Variants in KCNAB1 observed in about 807,000 individuals in gnomAD.
The protein encoded by KCNAB1 is voltage-gated potassium channel subunit beta-1.
Under a neutral mutation model 64.6 loss-of-function variants are expected in KCNAB1, and 35 were observed. That is an observed-to-expected ratio of 0.54 (90% CI 0.41 to 0.72). The LOEUF (loss-of-function observed/expected upper bound fraction) is 0.72. Among genes scored for constraint, KCNAB1 ranks in the 30% least tolerant of loss-of-function variants. The pLI, the probability that KCNAB1 is intolerant of heterozygous loss-of-function variation, is 0.00. For missense variants in KCNAB1, 401 were observed against 512.9 expected (o/e 0.78, Z 2.11); for synonymous variants, 177 against 183.8 (o/e 0.96, Z 0.30).
At chr3:156,530,450 A>C (rs910940968) in intron 12 of KCNAB1, among the ~76,000 whole-genome samples, 1 of 152,148 alleles carries the variant, frequency 6.6e-6, no homozygotes, top group Non-Finnish European at 1.5e-5. Flanking sequence ...GGATGGTTTA[A>C]GAGTACAGGT....
chr3:156,193,530 G>T (rs563056958), intron 1 of KCNAB1, among the ~76,000 whole-genome samples: 1 of 152,240 alleles, frequency 6.6e-6, no homozygotes, highest in East Asian at 1.9e-4. Flanking sequence ...AAGGAAAGAG[G>T]TTTAATGAGC....
At chr3:156,494,414 T>A (rs1282467701) in intron 8 of KCNAB1, among the ~76,000 whole-genome samples, 2 of 152,138 alleles carry the variant, frequency 1.3e-5, no homozygotes, top group Non-Finnish European at 2.9e-5. Flanking sequence ...CCTAATGCCC[T>A]TAGTTAAATT....
intron 1 of KCNAB1, chr3:156,291,487 G>C (rs552425081): frequency 9.5e-7 from 1 of 1,056,526 alleles, no homozygotes; most frequent in Non-Finnish European, 1.1e-6. Context: ...GCCCAGAAGC[G>C]AGCCCGCATT....
intron 1 of KCNAB1, among the ~76,000 whole-genome samples, chr3:156,156,544 T>G (rs2108301992): frequency 6.6e-6 from 1 of 152,266 alleles, no homozygotes; most frequent in East Asian, 1.9e-4. Flanking sequence ...GGAACTGTTA[T>G]AAAAGTAGCA....
chr3:156,464,463 C>T (rs1559897936), intron 6 of KCNAB1, among the ~76,000 whole-genome samples: 2 of 133,676 alleles, frequency 1.5e-5, no homozygotes, highest in Non-Finnish European at 3.1e-5. Flanking sequence ...GCTTTTCCAT[C>T]TTTGAGACAG....
chr3:156,148,649 G>A (rs1209134659), intron 1 of KCNAB1, among the ~76,000 whole-genome samples: 1 of 152,200 alleles, frequency 6.6e-6, no homozygotes, highest in Admixed American at 6.5e-5. Flanking sequence ...CTCACTGCCT[G>A]CTAGCATGGG....
At chr3:156,507,779 C>A (rs913850089) in intron 8 of KCNAB1, among the ~76,000 whole-genome samples, 1 of 152,060 alleles carries the variant, frequency 6.6e-6, no homozygotes. Context: ...AAACCAAATT[C>A]TTGCATTATA....
At chr3:156,463,895 A>C in intron 6 of KCNAB1, 149 bp downstream of exon 6, 3 of 564,910 alleles carry the variant, frequency 5.3e-6, no homozygotes, top group Non-Finnish European at 9.2e-6. Context: ...ACACTAAGGA[A>C]ATAGCAATTA....
chr3:156,137,223 T>C (rs10460860), intron 1 of KCNAB1, among the ~76,000 whole-genome samples: 3 of 28,944 alleles, frequency 1.0e-4, no homozygotes, highest in East Asian at 1.3e-3. Flanking sequence ...CATACATTGG[T>C]GGGGGGGGAT....
rs1339823600 is a variant in KCNAB1 at position 156,536,750 on chromosome 3, CA to C, written c.*5del. 1 of 1,591,088 alleles carries C rather than the reference CA, an allele frequency of 6.3e-7. No homozygotes were observed. Among genetic ancestry groups the C allele is most frequent in the Non-Finnish European group, 8.6e-7 (1 of 1,159,216 alleles). ...GCAAGAAGGACTATAGATCATAAGG[CA>C]ATGCATGAACCACAGAAGCTGCATG... is the stretch of plus-strand genomic sequence containing the variant. On this transcript the variant is annotated 3_prime_UTR_variant, in exon 14 of 14. Transcript: ENST00000490337.
intron 1 of KCNAB1, chr3:156,291,176 C>A: frequency 1.0e-6 from 1 of 985,546 alleles, no homozygotes; most frequent in Non-Finnish European, 1.2e-6. Flanking sequence ...AGGCAAAGAG[C>A]TCCTTAAAGG....
At chr3:156,385,264 T>C (rs1263270403) in intron 1 of KCNAB1, among the ~76,000 whole-genome samples, 2 of 152,214 alleles carry the variant, frequency 1.3e-5, no homozygotes, top group East Asian at 3.9e-4. Context: ...GGGAATCTTG[T>C]CTGCTCCAAT....
chr3:156,162,392 T>C (rs1273115622), intron 1 of KCNAB1, among the ~76,000 whole-genome samples: 1 of 152,196 alleles, frequency 6.6e-6, no homozygotes, highest in East Asian at 1.9e-4. Flanking sequence ...GAAGATATTA[T>C]GCTAGACACA....
chr3:156,427,254 T>C (rs557565983), intron 2 of KCNAB1, among the ~76,000 whole-genome samples: 1 of 152,200 alleles, frequency 6.6e-6, no homozygotes, highest in Admixed American at 6.5e-5. Flanking sequence ...GCTTGTGACC[T>C]CCCAGCTTCA....
intron 1 of KCNAB1, among the ~76,000 whole-genome samples, chr3:156,173,597 G>GTT (rs1235628452): frequency 3.9e-5 from 6 of 152,268 alleles, no homozygotes; most frequent in African/African-American, 1.4e-4. Context: ...GGGGACCTCA[G>GTT]TTTCCCCATC....
chr3:156,454,198 C>A (rs979293440), intron 3 of KCNAB1, among the ~76,000 whole-genome samples: 2 of 152,160 alleles, frequency 1.3e-5, no homozygotes, highest in Non-Finnish European at 2.9e-5. Context: ...GCATGCAGGA[C>A]AGTTATTAGG....
intron 2 of KCNAB1, among the ~76,000 whole-genome samples, chr3:156,424,879 G>C (rs1715709344): frequency 1.3e-5 from 2 of 152,130 alleles, no homozygotes; most frequent in Non-Finnish European, 2.9e-5. Flanking sequence ...TCAAGAGCCT[G>C]AACACTTGTA....
At chr3:156,385,302 C>T (rs3772257) in intron 1 of KCNAB1, among the ~76,000 whole-genome samples, 21,910 of 152,016 alleles carry the variant, frequency 0.14, 1,878 homozygotes, top group Middle Eastern at 0.21. Flanking sequence ...GTCTCCATGG[C>T]CCCCACTCCT....
intron 1 of KCNAB1, among the ~76,000 whole-genome samples, chr3:156,285,064 G>C (rs761140661): frequency 1.3e-5 from 2 of 152,188 alleles, no homozygotes; most frequent in Non-Finnish European, 2.9e-5. Context: ...CTGGAGGGAG[G>C]CAGCGTGAGT....
Sources: allele counts gnomAD v4.1 joint callset (sites outside exome capture counted in the v4.1 genomes callset), GRCh38; gene constraint gnomAD v4.1.1; transcripts MANE v1.5; gene names NCBI Gene and HGNC (gene_info 2026-07-23, HGNC 2026-07-21).